Variants in ATF7IP observed in about 807,000 individuals in gnomAD.
ATF7IP encodes the protein activating transcription factor 7 interacting protein, also known as activating transcription factor 7-interacting protein 1.
In ATF7IP, 23 loss-of-function variants were observed where a neutral mutation model predicts 106.4. The ratio of observed to expected loss-of-function variants is 0.22; its 90% confidence interval spans 0.16 to 0.31. The LOEUF is 0.31. Ranked by LOEUF, ATF7IP falls within the 10% of genes least tolerant of loss-of-function variation. ATF7IP has a pLI of 1.00. For synonymous variants in ATF7IP, 542 were observed against 539.0 expected, an observed-to-expected ratio of 1.01 and a Z score of -0.08; for missense variants, 1,334 against 1,524.3, an observed-to-expected ratio of 0.88 and a Z score of 2.08.
intron 5 of ATF7IP, among the ~76,000 whole-genome samples, chr12:14,441,714 T>A (rs1258552582): frequency 6.6e-6 from 1 of 151,912 alleles, no homozygotes; most frequent in Non-Finnish European, 1.5e-5. Flanking sequence ...TGGTCTCCAT[T>A]TCCTGACCTC....
At chr12:14,491,858 A>G (rs1264854939) in intron 13 of ATF7IP, among the ~76,000 whole-genome samples, 2 of 152,222 alleles carry the variant, frequency 1.3e-5, no homozygotes, top group Non-Finnish European at 2.9e-5. Context: ...ATCCACTGCC[A>G]TTCTCCATGA....
At chr12:14,381,588 C>T (rs1939003972) in intron 1 of ATF7IP, among the ~76,000 whole-genome samples, 1 of 151,878 alleles carries the variant, frequency 6.6e-6, no homozygotes. Flanking sequence ...TTATTTCTCT[C>T]TGTTTTTTTA....
chr12:14,462,316 C>T (rs1341787705), intron 9 of ATF7IP, among the ~76,000 whole-genome samples: 1 of 152,002 alleles, frequency 6.6e-6, no homozygotes, highest in African/African-American at 2.4e-5. Flanking sequence ...TTACTTTTAA[C>T]TGAGGTCAGT....
In ATF7IP at chr12:14,425,295, C is replaced by A; in HGVS notation, c.1380C>A (p.Ile460=). ...TCFSKTSLLP[I]DETNPDLEEK... ...TTTCTAAAACATCTCTCCTTCCAAT[C>A]GATGAGACAAATCCAGATTTGGAAG... The change falls in exon 2 of 15, where the codon ATC becomes ATA. Residue 460 remains isoleucine, a synonymous_variant. Coordinates refer to ENST00000261168, the MANE Select transcript of ATF7IP (RefSeq NM_018179.5). 2 of 1,604,924 alleles carry A rather than the reference C, an allele frequency of 1.2e-6. No individual in the cohort carries two copies. The highest frequency in any genetic ancestry group is 1.7e-6 in the Non-Finnish European group (2 of 1,177,090).
intron 6 of ATF7IP, among the ~76,000 whole-genome samples, 177 bp downstream of exon 6, chr12:14,447,230 T>G (rs953326089): frequency 6.6e-6 from 1 of 151,860 alleles, no homozygotes; most frequent in Admixed American, 6.6e-5. Context: ...CAAATCCTCA[T>G]TTACTATTCT....
chr12:14,496,842 T>G (rs1945026232), intron 14 of ATF7IP, among the ~76,000 whole-genome samples: 1 of 152,182 alleles, frequency 6.6e-6, no homozygotes, highest in South Asian at 2.1e-4. Flanking sequence ...GTGACACAAT[T>G]TTGTCAGTGT....
At chr12:14,494,932 CAAAAAAAAA>C (rs34929652) in intron 13 of ATF7IP, among the ~76,000 whole-genome samples, 3 of 79,144 alleles carry the variant, frequency 3.8e-5, no homozygotes, top group Non-Finnish European at 7.3e-5. Flanking sequence ...GACTCTGTCT[CAAAAAAAAA>C]AAAAAAAAAA....
intron 6 of ATF7IP, among the ~76,000 whole-genome samples, chr12:14,454,100 CTT>C (rs1257252487): frequency 1.3e-5 from 2 of 152,186 alleles, no homozygotes; most frequent in East Asian, 3.8e-4. Flanking sequence ...ATCTCCCAGT[CTT>C]TGTGGACTCT....
At chr12:14,437,924 G>C (rs1161015536) in intron 4 of ATF7IP, among the ~76,000 whole-genome samples, 17 of 151,450 alleles carry the variant, frequency 1.1e-4, no homozygotes, top group South Asian at 8.3e-4. Flanking sequence ...GTAGTGGCGG[G>C]CGCCTGTAGT....
chr12:14,383,633 G>T (rs1195927537), intron 1 of ATF7IP, among the ~76,000 whole-genome samples: 1 of 152,114 alleles, frequency 6.6e-6, no homozygotes, highest in Non-Finnish European at 1.5e-5. Flanking sequence ...GTTCACTGTA[G>T]CCTTGAACTT....
chr12:14,414,568 G>T (rs977590144), intron 1 of ATF7IP, among the ~76,000 whole-genome samples: 1 of 152,164 alleles, frequency 6.6e-6, no homozygotes, highest in Non-Finnish European at 1.5e-5. Flanking sequence ...GGACACCCTA[G>T]CTAAAAGCTA....
At chr12:14,418,211 T>C (rs10772780) in intron 1 of ATF7IP, among the ~76,000 whole-genome samples, 82,769 of 151,848 alleles carry the variant, frequency 0.55, 23,091 homozygotes, top group African/African-American at 0.66. Context: ...AATATAAATT[T>C]CTATAGAAAA....
intron 1 of ATF7IP, among the ~76,000 whole-genome samples, chr12:14,423,368 T>G (rs919408196): frequency 6.6e-6 from 1 of 152,060 alleles, no homozygotes; most frequent in Non-Finnish European, 1.5e-5. Flanking sequence ...GCAAATATTT[T>G]CTCCCATTGT....
intron 6 of ATF7IP, among the ~76,000 whole-genome samples, chr12:14,450,253 A>G (rs1456747229): frequency 6.6e-6 from 1 of 152,214 alleles, no homozygotes; most frequent in Non-Finnish European, 1.5e-5. Context: ...CTGATCTTAG[A>G]AGGAAAGCTT....
At chr12:14,473,284 C>CTGTA (rs1308385092) in intron 10 of ATF7IP, among the ~76,000 whole-genome samples, 4 of 68,596 alleles carry the variant, frequency 5.8e-5, no homozygotes, top group East Asian at 3.5e-4. Context: ...CGCTCTCTCT[C>CTGTA]TCTCTCTGTG....
chr12:14,466,343 AGTAATCTG>A (rs1943831589), intron 9 of ATF7IP, 175 bp from the exon 10 acceptor site: 1 of 597,460 alleles, frequency 1.7e-6, no homozygotes, highest in Non-Finnish European at 3.0e-6. Context: ...TGATCTGTAT[AGTAATCTG>A]TATGGTATCT....
chr12:14,368,668 G>A (rs561050578), intron 1 of ATF7IP, among the ~76,000 whole-genome samples: 1 of 152,102 alleles, frequency 6.6e-6, no homozygotes, highest in South Asian at 2.1e-4. Flanking sequence ...TTAGATGGGT[G>A]AAAAATAGTA....
intron 1 of ATF7IP, chr12:14,420,490 G>C: frequency 6.6e-6 from 1 of 152,480 alleles, no homozygotes; most frequent in East Asian, 1.9e-4. Flanking sequence ...TTAGCCGGGC[G>C]TGGTGGCGGG....
At chr12:14,478,262 T>A in intron 11 of ATF7IP, 55 bp from the exon 12 acceptor site, 1 of 1,562,714 alleles carries the variant, frequency 6.4e-7, no homozygotes, top group South Asian at 1.1e-5. Context: ...GAGGAAAGAC[T>A]TGTATTTCCT....
Sources: allele counts gnomAD v4.1 joint callset (sites outside exome capture counted in the v4.1 genomes callset), GRCh38; gene constraint gnomAD v4.1.1; transcripts MANE v1.5; gene names NCBI Gene and HGNC (gene_info 2026-07-23, HGNC 2026-07-21).